CNTNAP3B: variants seen among roughly 807,000 people sequenced by gnomAD.
CNTNAP3B encodes contactin-associated protein-like 3B.
In CNTNAP3B, 25 loss-of-function variants were observed where a neutral mutation model predicts 108.9. The ratio of observed to expected loss-of-function variants is 0.23; its 90% CI spans 0.17 to 0.32. The LOEUF (loss-of-function observed/expected upper bound fraction) is 0.32. Ranked by LOEUF, CNTNAP3B falls within the 10% of genes least tolerant of loss-of-function variation. The pLI, the probability that CNTNAP3B is intolerant of heterozygous loss-of-function variation, is 1.00. For synonymous variants in CNTNAP3B, 103 were observed against 473.4 expected (o/e 0.22, Z 10.16); for missense variants, 252 against 1,210.4 (o/e 0.21, Z 11.75).
At chr9:41,973,617 T>G (rs1440339464) in intron 9 of CNTNAP3B, among the ~76,000 whole-genome samples, 2 of 131,146 alleles carry the variant, frequency 1.5e-5, no homozygotes, top group Admixed American at 7.7e-5. Context: ...TGGCATTGAA[T>G]AGCAGAAAGA....
In CNTNAP3B at chr9:41,929,492, G is replaced by A. The variant is rs760927290; in HGVS notation, c.2238-48C>T. 2.5e-5 allele frequency: 37 copies of A among 1,506,120 alleles called. 6 individuals are homozygous for A. The highest frequency in any genetic ancestry group is 4.8e-4 in the Middle Eastern group (2 of 4,178). 93.3% of individuals were successfully genotyped at this position (1,506,120 alleles called of 1,614,324 possible). A position where few individuals can be genotyped will look rare whatever the true frequency, so the allele number is the denominator to read the frequency against. ...ATTAAAATTATTCTGATTAACATAC[G>A]GGCAAAATTAACTCTGATCTCTTAT... is the stretch of plus-strand genomic sequence containing the variant. On this transcript the variant is annotated intron_variant, in intron 14 of 23. Transcript: ENST00000377561.
intron 13 of CNTNAP3B, among the ~76,000 whole-genome samples, chr9:41,939,179 A>G (rs1292372970): frequency 6.6e-6 from 1 of 152,402 alleles, no homozygotes; most frequent in East Asian, 1.9e-4. Context: ...ACATCACAGT[A>G]AAGTTAGGAT....
chr9:42,120,952 C>T lies in CNTNAP3B; in HGVS notation c.85+8058G>A, dbSNP rs1260659017. ...AAACCTGCACGTTGTGCACATGTAC[C>T]CTGTAACTTAAAGTATAATAATAAT... On this transcript the variant is annotated intron_variant, in intron 1 of 23. Transcript: ENST00000377561. Among the ~76,000 whole-genome samples, 2 of 137,764 alleles carry T rather than the reference C, an allele frequency of 1.5e-5. 1 individual carries two copies. Among genetic ancestry groups the T allele is most frequent in the African/African-American group, 5.8e-5 (2 of 34,522 alleles). The allele number at this position is 137,764 out of a possible 152,430, so 90.4% of individuals were successfully genotyped here. A position where few individuals can be genotyped will look rare whatever the true frequency, so the allele number is the denominator to read the frequency against.
chr9:42,116,231 C>T (rs1430817127), intron 1 of CNTNAP3B, among the ~76,000 whole-genome samples: 3 of 135,354 alleles, frequency 2.2e-5, no homozygotes, highest in African/African-American at 8.9e-5. Context: ...AAAGATTCAC[C>T]AAACTTGAAA....
rs1355526652 is a variant in CNTNAP3B, at chr9:42,079,604, C to A, written c.197-2542G>T. The stretch of plus-strand genomic sequence containing the variant: ...TGGCGAGATCTCTGCTCACTGCAAC[C>A]TCCAACTCCCTGGTTCAAGCAATTC... On this transcript the variant is annotated intron_variant, in intron 2 of 23. Transcript: ENST00000377561. Among the ~76,000 whole-genome samples, 3 of 133,706 alleles carry A rather than the reference C, an allele frequency of 2.2e-5. 1 individual carries two copies. Among genetic ancestry groups the A allele is most frequent in the African/African-American group, 9.1e-5 (3 of 33,130 alleles). The allele number at this position is 133,706 out of a possible 152,430, so 87.7% of individuals were successfully genotyped here.
chr9:41,962,030 A>G (rs1418840474), intron 11 of CNTNAP3B, among the ~76,000 whole-genome samples: 1 of 152,294 alleles, frequency 6.6e-6, no homozygotes, highest in Non-Finnish European at 1.5e-5. Context: ...GGAGACAAAT[A>G]TTGAGGAAAG....
intron 11 of CNTNAP3B, among the ~76,000 whole-genome samples, chr9:41,963,111 ACTGGGAGCG>A (rs1564160706): frequency 1.3e-5 from 2 of 152,286 alleles, no homozygotes; most frequent in Non-Finnish European, 2.9e-5. Context: ...GAACCTCAGG[ACTGGGAGCG>A]CAGAATTCTC....
At chr9:42,086,809 G>A (rs899676576) in intron 2 of CNTNAP3B, among the ~76,000 whole-genome samples, 1 of 108,050 alleles carries the variant, frequency 9.3e-6, no homozygotes, top group African/African-American at 3.7e-5. Context: ...AGGTTATATG[G>A]TAAGTACATG....
intron 14 of CNTNAP3B, among the ~76,000 whole-genome samples, chr9:41,932,663 G>A (rs1166020435): frequency 6.6e-6 from 1 of 152,184 alleles, no homozygotes; most frequent in East Asian, 1.9e-4. Flanking sequence ...GGGATTACAT[G>A]CGTGCGCCAC....
At chr9:41,953,807 G>T (rs1824773362) in intron 12 of CNTNAP3B, among the ~76,000 whole-genome samples, 1 of 152,118 alleles carries the variant, frequency 6.6e-6, no homozygotes, top group South Asian at 2.1e-4. Flanking sequence ...GGGACGATGT[G>T]ACGCACATAC....
chr9:42,024,072 A>G (rs1205431653), intron 3 of CNTNAP3B, among the ~76,000 whole-genome samples: 2 of 146,814 alleles, frequency 1.4e-5, no homozygotes, highest in Non-Finnish European at 3.0e-5. Flanking sequence ...ACTTATTTCT[A>G]TAAGATCTTG....
rs1051870022 is a variant in CNTNAP3B at position 42,088,855 on chromosome 9, C to T, written c.197-11793G>A. ...AATTGGCACATCTAACACCTAGGCA[C>T]ATTGGGAAGCTTAGTGTAGCTTCTG... On this transcript the variant is annotated intron_variant, in intron 2 of 23. Coordinates refer to ENST00000377561, the MANE Select transcript of CNTNAP3B (RefSeq NM_001201380.3). Among the ~76,000 whole-genome samples, 4 of 139,426 alleles carry T rather than the reference C, an allele frequency of 2.9e-5. 1 individual carries two copies. Among genetic ancestry groups the T allele is most frequent in the Non-Finnish European group, 4.6e-5 (3 of 65,214 alleles). 91.5% of individuals were successfully genotyped at this position (139,426 alleles called of 152,430 possible). A position where few individuals can be genotyped will look rare whatever the true frequency, so the allele number is the denominator to read the frequency against.
At chr9:42,128,060 A>T (rs1426902890) in intron 1 of CNTNAP3B, among the ~76,000 whole-genome samples, 1 of 139,332 alleles carries the variant, frequency 7.2e-6, no homozygotes, top group Admixed American at 7.1e-5. Context: ...AAGTGATTTG[A>T]GAAGGAGGAG....
At chr9:41,988,615 C>A (rs1825752779) in intron 8 of CNTNAP3B, among the ~76,000 whole-genome samples, 1 of 147,956 alleles carries the variant, frequency 6.8e-6, no homozygotes. Context: ...TGATTATTGT[C>A]CATAGACATG....
chr9:42,093,170 C>T lies in CNTNAP3B; in HGVS notation c.196+11459G>A, dbSNP rs1464366250. ...TTGAGCCTGGCCAACATGGTGAAAC[C>T]CCGTCTCTACTAAAAATACAAAAAA... On this transcript the variant is annotated intron_variant, in intron 2 of 23. Transcript: ENST00000377561. 2.1e-5 allele frequency among the ~76,000 whole-genome samples: 2 copies of T among 94,872 alleles called. 1 individual carries two copies. The highest frequency in any genetic ancestry group is 4.4e-5 in the Non-Finnish European group (2 of 44,996). 62.2% of individuals were successfully genotyped at this position (94,872 alleles called of 152,430 possible). A position where few individuals can be genotyped will look rare whatever the true frequency, so the allele number is the denominator to read the frequency against.
rs190237997 is a variant in CNTNAP3B at position 42,117,876 on chromosome 9, C to T, written c.85+11134G>A. Among the ~76,000 whole-genome samples the T allele has an allele frequency of 1.9e-3, 269 of 139,272 alleles. 40 individuals carry two copies. Among genetic ancestry groups the T allele is most frequent in the Non-Finnish European group, 2.8e-3 (184 of 64,940 alleles). The allele number at this position is 139,272 out of a possible 152,430, so 91.4% of individuals were successfully genotyped here. On this transcript the variant is annotated intron_variant, in intron 1 of 23. Coordinates refer to ENST00000377561, the MANE Select transcript of CNTNAP3B (RefSeq NM_001201380.3). ...ACCGATCCCACAGAAATACAAACTA[C>T]CATCAGAGAATACTATAACACCTCT...
chr9:42,041,406 C>A (rs1170442683), intron 3 of CNTNAP3B, among the ~76,000 whole-genome samples: 1 of 151,580 alleles, frequency 6.6e-6, no homozygotes, highest in East Asian at 1.9e-4. Context: ...AATCAAACAA[C>A]CCCATCAGAA....
Position 41,929,314 on chromosome 9 carries a change from T to A in CNTNAP3B, c.2365+3A>T. The A allele has an allele frequency of 6.5e-7, 1 of 1,530,124 alleles. No homozygotes were observed. The highest frequency in any genetic ancestry group is 8.8e-7 in the Non-Finnish European group (1 of 1,135,230). 94.8% of individuals were successfully genotyped at this position (1,530,124 alleles called of 1,614,324 possible). ...AATAAAGCTTTTTCTTGACACTACT[T>A]ACTATCTCCGCGGCAGAGCAGTGGC... On this transcript the variant is annotated splice_donor_region_variant and intron_variant, in intron 15 of 23. Coordinates refer to ENST00000377561, the MANE Select transcript of CNTNAP3B (RefSeq NM_001201380.3).
rs1057423610 is a variant in CNTNAP3B at position 42,089,796 on chromosome 9, T to C, written c.197-12734A>G. Among the ~76,000 whole-genome samples the C allele has an allele frequency of 3.5e-5, 5 of 142,550 alleles. 1 individual carries two copies. The highest frequency in any genetic ancestry group is 6.1e-5 in the Non-Finnish European group (4 of 65,500). The allele number at this position is 142,550 out of a possible 152,430, so 93.5% of individuals were successfully genotyped here. The stretch of plus-strand genomic sequence containing the variant: ...CCATTTGCTCTGTGTTTGCAGTTTA[T>C]CACACAGGTTTCTAAATTATCCTTG... On this transcript the variant is annotated intron_variant, in intron 2 of 23. Transcript: ENST00000377561.
Sources: allele counts gnomAD v4.1 joint callset (sites outside exome capture counted in the v4.1 genomes callset), GRCh38; gene constraint gnomAD v4.1.1; transcripts MANE v1.5; gene names NCBI Gene and HGNC (gene_info 2026-07-23, HGNC 2026-07-21).